RIMBP2: variants seen among roughly 807,000 people sequenced by gnomAD.
The protein encoded by RIMBP2 is RIMS binding protein 2, also known as RIMS-binding protein 2.
Under a neutral mutation model 118.6 loss-of-function variants are expected in RIMBP2, and 48 were observed. The ratio of observed to expected loss-of-function variants is 0.40; its 90% CI spans 0.32 to 0.51. The LOEUF (loss-of-function observed/expected upper bound fraction) is 0.51, where lower values mean the gene tolerates loss of function less well. RIMBP2 is among the 20% of genes least tolerant of loss of function. RIMBP2 has a pLI of 0.41. For missense variants in RIMBP2, 1,551 were observed against 1,768.3 expected, an observed-to-expected ratio of 0.88 and a Z score of 2.20; for synonymous variants, 762 against 742.9, an observed-to-expected ratio of 1.03 and a Z score of -0.42.
intron 4 of RIMBP2, among the ~76,000 whole-genome samples, chr12:130,499,838 G>A (rs1182699728): frequency 6.6e-6 from 1 of 152,194 alleles, no homozygotes; most frequent in Non-Finnish European, 1.5e-5. Context: ...CCAAGGGCAT[G>A]GATTTAGATC....
intron 4 of RIMBP2, among the ~76,000 whole-genome samples, chr12:130,485,952 G>A (rs1041690345): frequency 8.5e-5 from 13 of 152,192 alleles, no homozygotes; most frequent in Admixed American, 2.0e-4. Context: ...CTCGGCCCTC[G>A]AAGACAGCCT....
In RIMBP2 at chr12:130,445,230, A is replaced by G; in HGVS notation, c.621T>C (p.Ala207=). ...ATTTTCCCGCCGTGAGGGGCAGCTC[A>G]GCTTCGGGGTTCTCGTTCGGTCCAT... The part of the protein sequence containing the change: ...PFDGPNENPE[A]ELPLTAGKYL... The change falls in exon 10 of 23, where the codon GCT becomes GCC. Residue 207 remains alanine (A), a synonymous_variant. Coordinates refer to ENST00000690449, the MANE Select transcript of RIMBP2 (RefSeq NM_001393629.1). The G allele has an allele frequency of 6.2e-7, 1 of 1,613,458 alleles. No individual in the cohort carries two copies. The highest frequency in any genetic ancestry group is 8.5e-7 in the Non-Finnish European group (1 of 1,179,742).
intron 19 of RIMBP2, among the ~76,000 whole-genome samples, chr12:130,409,069 T>TATG (rs2075449318): frequency 6.6e-6 from 1 of 152,202 alleles, no homozygotes; most frequent in African/African-American, 2.4e-5. Flanking sequence ...ATGTTACAAG[T>TATG]ATGACTTTTG....
intron 19 of RIMBP2, among the ~76,000 whole-genome samples, chr12:130,410,805 C>G (rs1254481625): frequency 6.6e-6 from 1 of 152,184 alleles, no homozygotes; most frequent in African/African-American, 2.4e-5. Context: ...ATCTTCCAAG[C>G]TTCTTGTTCT....
intron 6 of RIMBP2, among the ~76,000 whole-genome samples, chr12:130,463,176 G>A (rs1455551052): frequency 1.3e-5 from 2 of 152,212 alleles, no homozygotes; most frequent in Non-Finnish European, 2.9e-5. Context: ...CCAGGCAGGC[G>A]CATTTACACC....
chr12:130,477,939 G>T (rs984469047), intron 5 of RIMBP2, among the ~76,000 whole-genome samples: 3 of 152,202 alleles, frequency 2.0e-5, no homozygotes, highest in Non-Finnish European at 4.4e-5. Flanking sequence ...GGGCAGGGCT[G>T]GGTGGGGACA....
intron 4 of RIMBP2, among the ~76,000 whole-genome samples, chr12:130,488,438 A>G (rs1177828666): frequency 6.6e-6 from 1 of 152,136 alleles, no homozygotes; most frequent in Non-Finnish European, 1.5e-5. Flanking sequence ...TGGGGGCCGT[A>G]AGTTTAATAT....
chr12:130,626,614 T>A (rs2061651887), intron 2 of RIMBP2, among the ~76,000 whole-genome samples: 1 of 151,094 alleles, frequency 6.6e-6, no homozygotes, highest in African/African-American at 2.4e-5. Flanking sequence ...ATCTCCTCCA[T>A]CACCACGACT....
At chr12:130,492,546 G>A (rs1008486482) in intron 4 of RIMBP2, among the ~76,000 whole-genome samples, 1 of 152,198 alleles carries the variant, frequency 6.6e-6, no homozygotes, top group South Asian at 2.1e-4. Flanking sequence ...AGAGATGCAG[G>A]GGTGGCAACA....
chr12:130,705,593 C>T (rs1159511764), intron 1 of RIMBP2, among the ~76,000 whole-genome samples: 1 of 152,348 alleles, frequency 6.6e-6, no homozygotes, highest in South Asian at 2.1e-4. Flanking sequence ...TCAGCACAGG[C>T]GTTTGCTGTG....
intron 3 of RIMBP2, 29 bp from the exon 4 acceptor site, chr12:130,506,799 G>A: frequency 1.0e-6 from 1 of 985,606 alleles, no homozygotes; most frequent in Non-Finnish European, 1.2e-6. Context: ...GAGACAAGGA[G>A]GTTATCACAA....
At chr12:130,583,007 A>G (rs1317295083) in intron 2 of RIMBP2, among the ~76,000 whole-genome samples, 1 of 152,236 alleles carries the variant, frequency 6.6e-6, no homozygotes, top group Non-Finnish European at 1.5e-5. Flanking sequence ...AGGGGCAGAT[A>G]TAAAAGTCAT....
At chr12:130,455,551 A>C (rs377281379) in intron 7 of RIMBP2, among the ~76,000 whole-genome samples, 1 of 152,048 alleles carries the variant, frequency 6.6e-6, no homozygotes, top group Non-Finnish European at 1.5e-5. Flanking sequence ...ATTCTCTCTG[A>C]TGCGTGGACC....
chr12:130,670,020 G>A lies in RIMBP2; in HGVS notation c.-351-41564C>T, dbSNP rs1046777478. Among the ~76,000 whole-genome samples, 3 of 152,090 alleles carry A rather than the reference G, an allele frequency of 2.0e-5. No homozygotes were observed. Among genetic ancestry groups the A allele is most frequent in the Admixed American group, 2.0e-4 (3 of 15,262 alleles). On this transcript the variant is annotated intron_variant, in intron 1 of 22. Transcript: ENST00000690449. The surrounding 1 kb of genome is among the most constrained non-coding windows in gnomAD (Gnocchi z 4.9). ...GATCTTGAGATGAGGAGAGCATCCT[G>A]GATTATGCAGGTGGGCCCCGAATCC... is the stretch of plus-strand genomic sequence containing the variant.
intron 1 of RIMBP2, among the ~76,000 whole-genome samples, chr12:130,693,137 A>G (rs2065406122): frequency 6.6e-6 from 1 of 152,072 alleles, no homozygotes; most frequent in South Asian, 2.1e-4. Context: ...CCATACTCCT[A>G]TGGGAGCATT....
At chr12:130,531,808 G>A (rs528434709) in intron 2 of RIMBP2, among the ~76,000 whole-genome samples, 15 of 152,370 alleles carry the variant, frequency 9.8e-5, no homozygotes, top group African/African-American at 3.4e-4. Flanking sequence ...CCTTCCATGA[G>A]AGTCAAAACC....
chr12:130,656,359 G>A (rs1181273606), intron 1 of RIMBP2, among the ~76,000 whole-genome samples: 2 of 152,170 alleles, frequency 1.3e-5, no homozygotes, highest in Admixed American at 6.5e-5. Context: ...CAGTGGGGCT[G>A]GGCCAGCTCC....
rs201901114 is a variant in RIMBP2, at chr12:130,438,489, G to A, written c.1532C>T (p.Thr511Ile). ...AGPPAPPQDV[T>I]VQAGVTPATI... ...GGCGGGGGTCACCCCAGCCTGGACG[G>A]TAACATCTTGTGGGGGTGCTGGGGG... is the stretch of plus-strand genomic sequence containing the variant. The change falls in exon 12 of 23, where the codon ACC becomes ATC. Residue 511 changes from threonine (T) to isoleucine (I), a missense_variant. Transcript: ENST00000690449. 69 of 1,609,566 alleles carry A rather than the reference G, an allele frequency of 4.3e-5. No homozygotes were observed. The Admixed American group carries it at 5.5e-4, about 13-fold the overall frequency.
intron 1 of RIMBP2, among the ~76,000 whole-genome samples, chr12:130,652,239 T>C (rs12371496): frequency 0.17 from 26,611 of 152,232 alleles, 2,814 homozygotes; most frequent in Non-Finnish European, 0.24. Context: ...CCTGTTTTTG[T>C]AAATGAAGTT....
Sources: gnomAD v4.1 joint callset for allele counts (sites outside exome capture counted in the v4.1 genomes callset) on GRCh38, gnomAD v4.1.1 for gene constraint, Gnocchi (gnomAD v3.1) non-coding constraint, MANE v1.5 for transcripts, NCBI Gene and HGNC (gene_info 2026-07-23, HGNC 2026-07-21) for gene names.